The following WASHC5 variants were observed in gnomAD, a reference collection of about 807,000 sequenced individuals.
The protein encoded by WASHC5 is WASH complex subunit strumpellin.
WASHC5 carries 101 observed loss-of-function variants against 150.4 expected under a neutral mutation model. The observed-to-expected ratio is 0.67, with a 90% CI of 0.57 to 0.79. The LOEUF is 0.79. Ranked by LOEUF, WASHC5 falls within the 30% of genes least tolerant of loss-of-function variation. The pLI is 0.00. For missense variants in WASHC5, 1,195 were observed against 1,396.3 expected, an observed-to-expected ratio of 0.86 and a Z score of 2.30; for synonymous variants, 467 against 491.2, an observed-to-expected ratio of 0.95 and a Z score of 0.65.
At chr8:125,032,141 T>C (rs1350833066) in intron 27 of WASHC5, 100 bp downstream of exon 27, 1 of 1,354,236 alleles carries the variant, frequency 7.4e-7, no homozygotes, top group Non-Finnish European at 1.1e-6. Flanking sequence ...AGCAACCATT[T>C]CCCATCTCTA....
chr8:125,079,132 A>ATG (rs1346869994), intron 5 of WASHC5, among the ~76,000 whole-genome samples: 2 of 119,990 alleles, frequency 1.7e-5, no homozygotes, highest in Non-Finnish European at 3.2e-5. Context: ...ATATATATAT[A>ATG]TATATATACA....
At position 125,044,709 on chromosome 8, in the gene WASHC5, A is replaced by G; in HGVS notation, c.2505-11T>C. On this transcript the variant is annotated splice_polypyrimidine_tract_variant and intron_variant, in intron 20 of 28. Transcript: ENST00000318410. Reference sequence around the variant, plus strand: ...ATGTGACATGTCATTCTAAAATGAAAACAATGCAAAAACCCCAGAATGGCT... The same window carrying G: ...ATGTGACATGTCATTCTAAAATGAAGACAATGCAAAAACCCCAGAATGGCT... 1.9e-6 allele frequency: 3 copies of G among 1,613,586 alleles called. No individual in the cohort carries two copies. Among genetic ancestry groups the G allele is most frequent in the Non-Finnish European group, 2.5e-6 (3 of 1,179,810 alleles).
intron 23 of WASHC5, among the ~76,000 whole-genome samples, chr8:125,042,584 G>A (rs1435690441): frequency 6.6e-6 from 1 of 152,214 alleles, no homozygotes; most frequent in Non-Finnish European, 1.5e-5. Context: ...CTACTGGACT[G>A]AGAACCCTCC....
intron 21 of WASHC5, 21 bp from the exon 22 acceptor site, chr8:125,044,115 T>C: frequency 6.8e-6 from 10 of 1,465,798 alleles, no homozygotes; most frequent in Non-Finnish European, 9.6e-6. Flanking sequence ...GAAGGCACGG[T>C]CAAAGAACCA....
At chr8:125,082,033 T>C (rs1038423895) in intron 4 of WASHC5, among the ~76,000 whole-genome samples, 12 of 152,370 alleles carry the variant, frequency 7.9e-5, no homozygotes, top group Non-Finnish European at 1.5e-5. Flanking sequence ...AACCCAATAT[T>C]GTGTATACCT....
chr8:125,042,648 T>C (rs1356849765), intron 23 of WASHC5, among the ~76,000 whole-genome samples: 1 of 152,174 alleles, frequency 6.6e-6, no homozygotes, highest in Non-Finnish European at 1.5e-5. Flanking sequence ...GTAATCCCCC[T>C]AACGCCTCCT....
In WASHC5 at chr8:125,083,867, C is replaced by T. The variant is rs900803991; in HGVS notation, c.32G>A (p.Cys11Tyr). ...AACAATCCTTAGGATTGCTTGGCCA[C>T]AGAGGTTGTTCTCGGCTAGAAAGTC... The part of the protein sequence containing the change: MLDFLAENNL[C>Y]GQAILRIVSC... The change falls in exon 2 of 29, where the codon TGT (cysteine) becomes TAT (tyrosine). Residue 11 changes from cysteine to tyrosine, a missense_variant. Transcript: ENST00000318410. 1.2e-6 allele frequency: 2 copies of T among 1,613,858 alleles called. No homozygotes were observed. The highest frequency in any genetic ancestry group is 2.7e-5 in the African/African-American group (2 of 74,902).
At chr8:125,089,063 T>A (rs534434586) in intron 1 of WASHC5, among the ~76,000 whole-genome samples, 2 of 152,344 alleles carry the variant, frequency 1.3e-5, no homozygotes, top group East Asian at 1.9e-4. Flanking sequence ...AGGCATACAT[T>A]ATTAACAAGT....
At chr8:125,040,228 T>A (rs1815847089) in intron 23 of WASHC5, among the ~76,000 whole-genome samples, 1 of 152,220 alleles carries the variant, frequency 6.6e-6, no homozygotes, top group Non-Finnish European at 1.5e-5. Flanking sequence ...CCTTTTGGAA[T>A]AAGTGCTCCA....
intron 28 of WASHC5, among the ~76,000 whole-genome samples, chr8:125,027,712 A>C (rs1178095624): frequency 2.0e-5 from 3 of 152,246 alleles, no homozygotes; most frequent in African/African-American, 7.2e-5. Flanking sequence ...ACAAATCACC[A>C]CTAAAGAACT....
At chr8:125,089,333 T>C (rs1314131004) in intron 1 of WASHC5, among the ~76,000 whole-genome samples, 5 of 152,122 alleles carry the variant, frequency 3.3e-5, no homozygotes, top group South Asian at 2.1e-4. Flanking sequence ...CTGGGCAATA[T>C]TGGAAGAAGA....
At chr8:125,084,563 A>G (rs924799669) in intron 1 of WASHC5, among the ~76,000 whole-genome samples, 1 of 152,248 alleles carries the variant, frequency 6.6e-6, no homozygotes, top group Non-Finnish European at 1.5e-5. Flanking sequence ...AAACTGGTCC[A>G]AAAGTCTCAT....
At chr8:125,058,730 A>AC (rs973225769) in intron 14 of WASHC5, among the ~76,000 whole-genome samples, 1 of 151,964 alleles carries the variant, frequency 6.6e-6, no homozygotes, top group Non-Finnish European at 1.5e-5. Flanking sequence ...CTCAAAAAAA[A>AC]AAAGAAGAAG....
chr8:125,061,091 A>G lies in WASHC5; in HGVS notation c.1512T>C (p.Ala504=). The change falls in exon 12 of 29, where the codon GCT becomes GCC. Residue 504 remains alanine (A), a synonymous_variant. Coordinates refer to ENST00000318410, the MANE Select transcript of WASHC5 (RefSeq NM_014846.4). ...AAAAGCGTTTCCTTACCTCTTCCAA[A>G]GCTTGTATCAGTTGTACAGTTTTTC... is the stretch of plus-strand genomic sequence containing the variant. ...AGRKTVQLIQ[A]LEEVQEFHQL... is the part of the protein sequence containing the mutation. 6.3e-7 allele frequency: 1 copy of G among 1,597,982 alleles called. No homozygotes were observed. The highest frequency in any genetic ancestry group is 8.6e-7 in the Non-Finnish European group (1 of 1,165,454).
chr8:125,076,810 GT>G (rs1817078078), intron 6 of WASHC5, among the ~76,000 whole-genome samples: 1 of 140,038 alleles, frequency 7.1e-6, no homozygotes, highest in Non-Finnish European at 1.5e-5. Context: ...TATCTTTCCT[GT>G]TGGAGACAAC....
chr8:125,036,140 G>A (rs1394641052), intron 26 of WASHC5, among the ~76,000 whole-genome samples: 1 of 152,196 alleles, frequency 6.6e-6, no homozygotes, highest in African/African-American at 2.4e-5. Flanking sequence ...AAATGTTCAT[G>A]TATAAATATT....
At chr8:125,031,918 C>T (rs1036028968) in intron 27 of WASHC5, among the ~76,000 whole-genome samples, 1 of 152,086 alleles carries the variant, frequency 6.6e-6, no homozygotes, top group African/African-American at 2.4e-5. Context: ...TGCAGGGGCT[C>T]GCTGAGATTG....
intron 14 of WASHC5, among the ~76,000 whole-genome samples, chr8:125,058,334 C>G (rs1417276517): frequency 7.9e-5 from 12 of 151,344 alleles, no homozygotes; most frequent in Admixed American, 5.9e-4. Context: ...ATCGCTTGAG[C>G]CTGGGAGTTT....
chr8:125,083,043 C>T (rs571387139), intron 3 of WASHC5, 70 bp downstream of exon 3: 26 of 1,008,164 alleles, frequency 2.6e-5, no homozygotes, highest in East Asian at 1.7e-4. Context: ...GAGATTTACA[C>T]GTTGCTATGT....
Sources: allele counts gnomAD v4.1 joint callset (sites outside exome capture counted in the v4.1 genomes callset), GRCh38; gene constraint gnomAD v4.1.1; transcripts MANE v1.5; gene names NCBI Gene and HGNC (gene_info 2026-07-23, HGNC 2026-07-21).